Variants in TRAPPC9 observed in about 807,000 individuals in gnomAD.
The protein encoded by TRAPPC9 is trafficking protein particle complex subunit 9, also known as IKK2 binding protein.
A neutral mutation model predicts 124.0 loss-of-function variants in TRAPPC9; 83 were observed. The observed-to-expected ratio is 0.67, with a 90% confidence interval of 0.56 to 0.80. TRAPPC9 has a LOEUF of 0.80. Ranked by LOEUF, TRAPPC9 falls within the 30% of genes least tolerant of loss-of-function variation. TRAPPC9 has a pLI of 0.00. For synonymous variants in TRAPPC9, 638 were observed against 617.5 expected (o/e 1.03, Z -0.49); for missense variants, 1,302 against 1,508.3 (o/e 0.86, Z 2.27).
At chr8:139,832,580 G>T (rs543916614) in intron 21 of TRAPPC9, among the ~76,000 whole-genome samples, 3 of 152,182 alleles carry the variant, frequency 2.0e-5, no homozygotes, top group Non-Finnish European at 4.4e-5. Context: ...CTTGAACTCA[G>T]CGAGCTCTTT....
chr8:140,340,279 G>A (rs966086908), intron 9 of TRAPPC9, among the ~76,000 whole-genome samples: 2 of 152,232 alleles, frequency 1.3e-5, no homozygotes, highest in African/African-American at 4.8e-5. Flanking sequence ...ATCACCTGCA[G>A]AGAAACAATC....
chr8:140,161,138 T>C (rs1198269702), intron 17 of TRAPPC9, among the ~76,000 whole-genome samples: 2 of 152,140 alleles, frequency 1.3e-5, no homozygotes, highest in African/African-American at 2.4e-5. Context: ...AGAATGCCCA[T>C]CTCCCCCAAC....
intron 21 of TRAPPC9, among the ~76,000 whole-genome samples, chr8:139,847,749 G>A (rs1389565751): frequency 6.6e-6 from 1 of 151,478 alleles, no homozygotes; most frequent in Middle Eastern, 3.2e-3. Flanking sequence ...GCCTGCAGAT[G>A]GGCACGAGCA....
chr8:140,052,367 G>A (rs2132092564), intron 17 of TRAPPC9, among the ~76,000 whole-genome samples: 1 of 152,314 alleles, frequency 6.6e-6, no homozygotes, highest in Non-Finnish European at 1.5e-5. Context: ...CCGGGCATGA[G>A]GGCTCATGCC....
intron 20 of TRAPPC9, among the ~76,000 whole-genome samples, chr8:139,900,346 G>A (rs1347780933): frequency 1.3e-5 from 2 of 152,120 alleles, no homozygotes; most frequent in African/African-American, 4.8e-5. Context: ...TATCTGGGAT[G>A]TCTCTACCCT....
intron 17 of TRAPPC9, among the ~76,000 whole-genome samples, chr8:140,065,665 C>A (rs1477545631): frequency 6.6e-6 from 1 of 152,224 alleles, no homozygotes; most frequent in East Asian, 1.9e-4. Context: ...GACAGCGCAT[C>A]TGTTTATAGC....
At chr8:140,005,399 C>T (rs981938917) in intron 18 of TRAPPC9, among the ~76,000 whole-genome samples, 3 of 152,284 alleles carry the variant, frequency 2.0e-5, no homozygotes, top group Middle Eastern at 3.4e-3. Context: ...AGCACAGCAG[C>T]GTGGGCACCA....
At chr8:139,945,536 C>T (rs946032062) in intron 19 of TRAPPC9, among the ~76,000 whole-genome samples, 4 of 76,820 alleles carry the variant, frequency 5.2e-5, no homozygotes, top group East Asian at 3.9e-4. Flanking sequence ...ATTGACAGCA[C>T]AATTAGCAAA....
upstream of TRAPPC9, chr8:140,457,852 A>C: frequency 1.8e-6 from 2 of 1,082,214 alleles, no homozygotes; most frequent in South Asian, 2.4e-5. Flanking sequence ...GGTAGGAGCG[A>C]GGGAGAAAAG....
chr8:139,743,466 G>C (rs1818690519), intron 21 of TRAPPC9, among the ~76,000 whole-genome samples: 1 of 152,198 alleles, frequency 6.6e-6, no homozygotes, highest in African/African-American at 2.4e-5. Context: ...AGTTTTTAAG[G>C]CTCTATCCAG....
intron 1 of TRAPPC9, among the ~76,000 whole-genome samples, chr8:140,453,847 A>C (rs1403440906): frequency 6.6e-6 from 1 of 152,230 alleles, no homozygotes; most frequent in Admixed American, 6.5e-5. Context: ...CTCGGAGGAC[A>C]TATCAAAATA....
Position 140,097,842 on chromosome 8 carries a change from C to A in TRAPPC9, c.2557-73763G>T, listed in dbSNP as rs1226255921. ...ATGACGCCTACCCAGGTCCTTAGTG[C>A]GTGGCTACAGACGTGCCGCAGTCCT... On this transcript the variant is annotated intron_variant, in intron 17 of 22. Transcript: ENST00000438773. This position sits in a 1 kb window ranked among gnomAD's most constrained non-coding sequence, Gnocchi z 4.2. The A allele has an allele frequency of 5.3e-5, 8 of 152,198 alleles. No individual in the cohort carries two copies. Among genetic ancestry groups the A allele is most frequent in the African/African-American group, 1.9e-4 (8 of 41,434 alleles). The allele number at this position is 152,198 out of a possible 1,614,324, so 9.4% of individuals were successfully genotyped here.
At chr8:139,876,607 T>C (rs377180989) in intron 21 of TRAPPC9, among the ~76,000 whole-genome samples, 5 of 152,330 alleles carry the variant, frequency 3.3e-5, no homozygotes, top group Admixed American at 1.3e-4. Flanking sequence ...AGTTTATTTT[T>C]GGGTCCCCAG....
chr8:139,743,323 C>G (rs533225295), intron 21 of TRAPPC9, among the ~76,000 whole-genome samples: 58 of 152,330 alleles, frequency 3.8e-4, no homozygotes, highest in African/African-American at 1.2e-3. Context: ...ACTCTCCAAC[C>G]TTTTGCGCTG....
chr8:139,887,100 C>G (rs1260718422), intron 20 of TRAPPC9, among the ~76,000 whole-genome samples: 1 of 152,118 alleles, frequency 6.6e-6, no homozygotes, highest in Non-Finnish European at 1.5e-5. Context: ...AAGAAGGCTG[C>G]CCAAGAGAGC....
intron 21 of TRAPPC9, among the ~76,000 whole-genome samples, chr8:139,755,827 G>A (rs1421368948): frequency 1.4e-5 from 2 of 141,872 alleles, no homozygotes; most frequent in African/African-American, 5.4e-5. Flanking sequence ...AGGACAGCAG[G>A]TCGCAGGAGG....
chr8:140,199,246 T>C (rs1171990842), intron 17 of TRAPPC9, among the ~76,000 whole-genome samples: 3 of 152,016 alleles, frequency 2.0e-5, no homozygotes, highest in African/African-American at 7.3e-5. Flanking sequence ...GGGTCTGTAT[T>C]TCCGACAGGT....
At chr8:140,134,736 A>G (rs1427226410) in intron 17 of TRAPPC9, among the ~76,000 whole-genome samples, 1 of 152,218 alleles carries the variant, frequency 6.6e-6, no homozygotes, top group Non-Finnish European at 1.5e-5. Flanking sequence ...AAAACCATAA[A>G]ACTTTCAGAA....
intron 21 of TRAPPC9, among the ~76,000 whole-genome samples, chr8:139,877,749 G>A (rs2131073245): frequency 6.6e-6 from 1 of 152,240 alleles, no homozygotes; most frequent in African/African-American, 2.4e-5. Flanking sequence ...CAAGCCTGAG[G>A]AACATGAGGA....
Sources: gnomAD v4.1 joint callset for allele counts (sites outside exome capture counted in the v4.1 genomes callset) on GRCh38, gnomAD v4.1.1 for gene constraint, Gnocchi (gnomAD v3.1) non-coding constraint, MANE v1.5 for transcripts, NCBI Gene and HGNC (gene_info 2026-07-23, HGNC 2026-07-21) for gene names.